NCOA1: variants seen among roughly 807,000 people sequenced by gnomAD.
The protein encoded by NCOA1 is Hin-2 protein.
A neutral mutation model predicts 150.9 loss-of-function variants in NCOA1; 35 were observed. The ratio of observed to expected loss-of-function variants is 0.23; its 90% CI spans 0.18 to 0.31. The LOEUF is 0.31. NCOA1 is among the 10% of genes least tolerant of loss of function. NCOA1 has a pLI of 1.00. For missense variants in NCOA1, 1,491 were observed against 1,749.3 expected, an observed-to-expected ratio of 0.85 and a Z score of 2.63; for synonymous variants, 590 against 630.0, an observed-to-expected ratio of 0.94 and a Z score of 0.95.
At chr2:24,616,219 C>T (rs937877125) in intron 3 of NCOA1, among the ~76,000 whole-genome samples, 1 of 152,136 alleles carries the variant, frequency 6.6e-6, no homozygotes, top group Non-Finnish European at 1.5e-5. Flanking sequence ...TGAATTTCAT[C>T]ATGAGTTGTG....
intron 1 of NCOA1, among the ~76,000 whole-genome samples, chr2:24,541,169 T>C (rs896256155): frequency 6.6e-6 from 1 of 152,212 alleles, no homozygotes; most frequent in South Asian, 2.1e-4. Flanking sequence ...TAGTTGATAA[T>C]GGCAGTTCAT....
intron 3 of NCOA1, among the ~76,000 whole-genome samples, chr2:24,612,763 T>A (rs1292169823): frequency 1.3e-5 from 2 of 152,164 alleles, no homozygotes; most frequent in African/African-American, 4.8e-5. Flanking sequence ...TTTTAAAGTA[T>A]TTACCGCTTC....
chr2:24,615,926 G>A (rs1426515576), intron 3 of NCOA1, among the ~76,000 whole-genome samples: 1 of 152,092 alleles, frequency 6.6e-6, no homozygotes, highest in Non-Finnish European at 1.5e-5. Flanking sequence ...CAACATTTAT[G>A]AAAAGATCAG....
chr2:24,518,232 A>G (rs1294974628), intron 1 of NCOA1, among the ~76,000 whole-genome samples: 1 of 152,184 alleles, frequency 6.6e-6, no homozygotes, highest in South Asian at 2.1e-4. Context: ...AAAGGAAAAA[A>G]ATATGAACAT....
At chr2:24,663,079 G>C (rs1671260256) in intron 5 of NCOA1, among the ~76,000 whole-genome samples, 1 of 151,884 alleles carries the variant, frequency 6.6e-6, no homozygotes, top group Non-Finnish European at 1.5e-5. Flanking sequence ...ACAGATGCGA[G>C]CTGCTGTATC....
intron 1 of NCOA1, among the ~76,000 whole-genome samples, chr2:24,500,100 T>TTTCTTTCTTTC (rs1558744471): frequency 6.6e-6 from 1 of 151,696 alleles, no homozygotes; most frequent in Admixed American, 6.6e-5. Flanking sequence ...TAGTTTCTTT[T>TTTCTTTCTTTC]TTTCTTTCTT....
chr2:24,715,880 C>A (rs571490686), intron 14 of NCOA1, among the ~76,000 whole-genome samples: 1 of 152,100 alleles, frequency 6.6e-6, no homozygotes, highest in Non-Finnish European at 1.5e-5. Context: ...CAGTGGCTCA[C>A]GCCTGTAATC....
chr2:24,620,437 C>T (rs1038305403), intron 3 of NCOA1, among the ~76,000 whole-genome samples: 1 of 152,120 alleles, frequency 6.6e-6, no homozygotes, highest in Non-Finnish European at 1.5e-5. Context: ...AACCCCGTCT[C>T]TACTAAAAAT....
chr2:24,576,163 G>GTTTTTTTTT lies in NCOA1; in HGVS notation c.-259-8307_-259-8306insTTTTTTTTT, dbSNP rs1491073238. ...ATTTGGCCTTTGTTTTTTTTTTTTTGTTTTTTGTTTTTTTTTTTTTTTTTT... is the reference window on the plus strand; with the variant it reads ...ATTTGGCCTTTGTTTTTTTTTTTTTGTTTTTTTTTTTTTTTGTTTTTTTTTTTTTTTTTT... On this transcript the variant is annotated intron_variant, in intron 2 of 22. Transcript: ENST00000348332. 1.7e-3 allele frequency among the ~76,000 whole-genome samples: 158 copies of GTTTTTTTTT among 92,658 alleles called. 2 individuals carry two copies. The highest frequency in any genetic ancestry group is 3.7e-3 in the African/African-American group (80 of 21,642). 60.8% of individuals were successfully genotyped at this position (92,658 alleles called of 152,430 possible). A position where few individuals can be genotyped will look rare whatever the true frequency, so the allele number is the denominator to read the frequency against.
chr2:24,510,360 T>G (rs1663883674), intron 1 of NCOA1, among the ~76,000 whole-genome samples: 1 of 152,138 alleles, frequency 6.6e-6, no homozygotes, highest in Non-Finnish European at 1.5e-5. Flanking sequence ...CTTTTTTTCT[T>G]AAAGGAGACG....
intron 1 of NCOA1, among the ~76,000 whole-genome samples, chr2:24,519,559 T>C (rs548503027): frequency 4.6e-5 from 7 of 151,212 alleles, no homozygotes; most frequent in African/African-American, 1.7e-4. Context: ...GTAGCTCACA[T>C]CTGTAATCCC....
At chr2:24,763,652 G>A (rs1211969933) in intron 22 of NCOA1, among the ~76,000 whole-genome samples, 30 of 77,370 alleles carry the variant, frequency 3.9e-4, no homozygotes, top group African/African-American at 1.3e-3. Flanking sequence ...TTGGAATTTC[G>A]CTCTTTTGCC....
chr2:24,647,434 A>G (rs969688308), intron 4 of NCOA1, among the ~76,000 whole-genome samples: 2 of 152,196 alleles, frequency 1.3e-5, no homozygotes, highest in Admixed American at 6.5e-5. Context: ...TTTTATGAGT[A>G]AATGAGTTAG....
At chr2:24,722,989 C>CAAA (rs5829932) in intron 14 of NCOA1, among the ~76,000 whole-genome samples, 3,008 of 86,992 alleles carry the variant, frequency 0.035, 55 homozygotes, top group African/African-American at 0.043. Context: ...ACCCTGTCTC[C>CAAA]AAAAAAAAAA....
In NCOA1 at chr2:24,594,259, C is replaced by T. The variant is rs183558581; in HGVS notation, c.-175+9699C>T. Among the ~76,000 whole-genome samples, 4 of 151,998 alleles carry T rather than the reference C, an allele frequency of 2.6e-5. No homozygotes were observed. In the South Asian group the frequency reaches 6.2e-4, roughly 24 times the overall value. ...AATTTGTAATTTATAATAAAACATA[C>T]GATTATGATTTCGTAACTTACTGAA... On this transcript the variant is annotated intron_variant, in intron 3 of 22. Coordinates refer to ENST00000348332, the MANE Select transcript of NCOA1 (RefSeq NM_003743.5).
intron 3 of NCOA1, among the ~76,000 whole-genome samples, chr2:24,621,913 C>T (rs1042937225): frequency 6.6e-6 from 1 of 152,194 alleles, no homozygotes; most frequent in Non-Finnish European, 1.5e-5. Context: ...TTTCCCCAAA[C>T]CTAATGTTTG....
intron 2 of NCOA1, among the ~76,000 whole-genome samples, chr2:24,567,236 G>T (rs1666551428): frequency 3.3e-5 from 5 of 152,196 alleles, no homozygotes; most frequent in Admixed American, 3.3e-4. Context: ...AACGTCCCTG[G>T]CAATTAGTAG....
chr2:24,572,336 G>A (rs573825039), intron 2 of NCOA1, among the ~76,000 whole-genome samples: 1 of 152,252 alleles, frequency 6.6e-6, no homozygotes, highest in Non-Finnish European at 1.5e-5. Flanking sequence ...AAAGATTACT[G>A]ACTTGAGTTG....
intron 7 of NCOA1, among the ~76,000 whole-genome samples, chr2:24,679,941 A>C (rs1672088976): frequency 6.6e-6 from 1 of 152,206 alleles, no homozygotes; most frequent in Non-Finnish European, 1.5e-5. Flanking sequence ...GTTGTGCTTC[A>C]ATCTTGTTTT....
Sources: gnomAD v4.1 joint callset for allele counts (sites outside exome capture counted in the v4.1 genomes callset) on GRCh38, gnomAD v4.1.1 for gene constraint, MANE v1.5 for transcripts, NCBI Gene and HGNC (gene_info 2026-07-23, HGNC 2026-07-21) for gene names.